The following APLF variants were observed in gnomAD, a reference collection of about 807,000 sequenced individuals.
APLF encodes aprataxin and PNK-like factor.
A neutral mutation model predicts 55.6 loss-of-function variants in APLF; 61 were observed. The observed-to-expected ratio is 1.10, with a 90% CI of 0.89 to 1.36. The LOEUF is 1.36. Among genes scored for constraint, APLF ranks in the 40% most tolerant of loss-of-function variants. The pLI is 0.00. For missense variants in APLF, 611 were observed against 602.5 expected, an observed-to-expected ratio of 1.01 and a Z score of -0.15; for synonymous variants, 207 against 214.8, an observed-to-expected ratio of 0.96 and a Z score of 0.32.
intron 6 of APLF, 85 bp downstream of exon 6, chr2:68,526,327 C>A (rs1573221001): frequency 2.0e-6 from 3 of 1,472,180 alleles, no homozygotes; most frequent in South Asian, 2.4e-5. Context: ...AAAGAGAAAT[C>A]AAAACTGCCT....
rs1039371183 is a variant in APLF at position 68,467,587 on chromosome 2, G to T, written c.-145G>T. 9.8e-5 allele frequency: 55 copies of T among 562,514 alleles called. No individual in the cohort carries two copies. Among genetic ancestry groups the T allele is most frequent in the Non-Finnish European group, 1.3e-4 (47 of 375,738 alleles). 34.8% of individuals were successfully genotyped at this position (562,514 alleles called of 1,614,324 possible). ...AAGCTGCGCTGGGGCCGGGCTCTGA[G>T]AGGACCGGCGCAGCCGCGGGGAGCC... is the stretch of plus-strand genomic sequence containing the variant. On this transcript the variant is annotated 5_prime_UTR_variant, in exon 1 of 10. Transcript: ENST00000303795.
intron 8 of APLF, among the ~76,000 whole-genome samples, chr2:68,560,536 C>T (rs1367284548): frequency 6.6e-6 from 1 of 151,798 alleles, no homozygotes; most frequent in African/African-American, 2.4e-5. Context: ...TAAGCTATTA[C>T]CTAAACTTTT....
intron 3 of APLF, among the ~76,000 whole-genome samples, chr2:68,510,853 G>T (rs879875544): frequency 4.0e-5 from 6 of 151,784 alleles, no homozygotes; most frequent in Admixed American, 1.3e-4. Context: ...AAAGAGGAAT[G>T]AAATATTTAC....
chr2:68,553,307 CTG>C (rs1190756566), intron 8 of APLF, among the ~76,000 whole-genome samples: 9 of 152,188 alleles, frequency 5.9e-5, no homozygotes, highest in African/African-American at 1.2e-4. Flanking sequence ...TCCTTACAAA[CTG>C]TCTGTTGTCA....
intron 2 of APLF, among the ~76,000 whole-genome samples, chr2:68,497,415 T>G (rs1333161923): frequency 6.6e-6 from 1 of 151,986 alleles, no homozygotes; most frequent in South Asian, 2.1e-4. Flanking sequence ...TCACGACATC[T>G]GGTTGTTTAA....
chr2:68,553,998 G>A (rs1219561891), intron 8 of APLF, among the ~76,000 whole-genome samples: 1 of 151,942 alleles, frequency 6.6e-6, no homozygotes, highest in Non-Finnish European at 1.5e-5. Flanking sequence ...CTCAGATGTT[G>A]TATGCCATGT....
intron 6 of APLF, among the ~76,000 whole-genome samples, chr2:68,532,533 T>G (rs1010765468): frequency 1.3e-5 from 2 of 152,210 alleles, no homozygotes; most frequent in Non-Finnish European, 2.9e-5. Flanking sequence ...AAGGTCACAT[T>G]GTTAGGAAAC....
intron 5 of APLF, among the ~76,000 whole-genome samples, chr2:68,517,660 GTAACAATAATATATCAC>G (rs1558538817): frequency 7.0e-6 from 1 of 143,482 alleles, no homozygotes; most frequent in Non-Finnish European, 1.5e-5. Flanking sequence ...TGTTATTAAC[GTAACAATAATATATCAC>G]TAATATGTTA....
At chr2:68,493,988 G>A (rs1240396610) in intron 2 of APLF, among the ~76,000 whole-genome samples, 10 of 151,348 alleles carry the variant, frequency 6.6e-5, no homozygotes, top group Admixed American at 5.3e-4. Flanking sequence ...GGTGCCTGTA[G>A]TCCCAGCTAC....
Position 68,580,008 on chromosome 2 carries a change from GA to G in APLF, c.*1993del, listed in dbSNP as rs1288302234. The G allele has an allele frequency of 2.2e-5, 20 of 901,116 alleles. No individual in the cohort carries two copies. The highest frequency in any genetic ancestry group is 5.7e-4 in the Middle Eastern group (1 of 1,752). 55.8% of individuals were successfully genotyped at this position (901,116 alleles called of 1,614,324 possible). On this transcript the variant is annotated 3_prime_UTR_variant, in exon 10 of 10. Transcript: ENST00000303795. ...AAGGGTAATACCAGTCTTTTAGAAG[GA>G]AAAAAATATTTAATATCAAAGGATA... is the stretch of plus-strand genomic sequence containing the variant.
At chr2:68,525,342 T>C (rs982488966) in intron 5 of APLF, among the ~76,000 whole-genome samples, 3 of 152,016 alleles carry the variant, frequency 2.0e-5, no homozygotes, top group African/African-American at 7.2e-5. Flanking sequence ...TCACTGTGGA[T>C]GTTAGGGTTT....
chr2:68,516,999 T>C (rs1247218403), intron 5 of APLF, among the ~76,000 whole-genome samples: 1 of 124,792 alleles, frequency 8.0e-6, no homozygotes, highest in Non-Finnish European at 1.6e-5. Context: ...TAATAATATA[T>C]GTTAATATAT....
intron 1 of APLF, among the ~76,000 whole-genome samples, chr2:68,473,171 A>G (rs1675672712): frequency 6.6e-6 from 1 of 152,144 alleles, no homozygotes. Flanking sequence ...TGCTCTGCCT[A>G]TTCATCCCCC....
intron 5 of APLF, among the ~76,000 whole-genome samples, chr2:68,519,507 T>A (rs1669828292): frequency 2.0e-5 from 3 of 149,804 alleles, no homozygotes. Context: ...TTGGTTCAAT[T>A]TTTGGTCAAG....
intron 2 of APLF, among the ~76,000 whole-genome samples, chr2:68,495,821 C>T (rs1417997858): frequency 6.6e-6 from 1 of 152,208 alleles, no homozygotes; most frequent in Non-Finnish European, 1.5e-5. Flanking sequence ...GGCTTAACAC[C>T]GTGTGAGAGC....
chr2:68,501,220 T>A (rs954696706), intron 2 of APLF, among the ~76,000 whole-genome samples: 1 of 152,216 alleles, frequency 6.6e-6, no homozygotes, highest in African/African-American at 2.4e-5. Context: ...CAGATTCTTA[T>A]GAAATTGAAT....
At chr2:68,555,295 CA>C (rs1670974573) in intron 8 of APLF, among the ~76,000 whole-genome samples, 1 of 152,024 alleles carries the variant, frequency 6.6e-6, no homozygotes, top group African/African-American at 2.4e-5. Flanking sequence ...GCAATAATAA[CA>C]AAGATAAATA....
chr2:68,478,877 G>T (rs1034705627), intron 1 of APLF, among the ~76,000 whole-genome samples: 3 of 152,216 alleles, frequency 2.0e-5, no homozygotes, highest in African/African-American at 4.8e-5. Context: ...TAACCCCTGA[G>T]ACTTGGAGGG....
chr2:68,513,140 T>A lies in APLF; in HGVS notation c.402T>A (p.Ile134=). 6.2e-7 allele frequency: 1 copy of A among 1,611,454 alleles called. No individual in the cohort carries two copies. The highest frequency in any genetic ancestry group is 8.5e-7 in the Non-Finnish European group (1 of 1,178,354). The change falls in exon 4 of 10, where the codon ATT becomes ATA. Residue 134 remains isoleucine, a synonymous_variant. Coordinates refer to ENST00000303795, the MANE Select transcript of APLF (RefSeq NM_173545.3). The part of the protein sequence containing the change: ...ILNETPKSPV[I]NLPHETTGAS... ...ATGAAACACCAAAATCCCCCGTGAT[T>A]AATTTACCTCATGAGACTACTGGTG... is the stretch of plus-strand genomic sequence containing the variant.
Sources: gnomAD v4.1 joint callset for allele counts (sites outside exome capture counted in the v4.1 genomes callset) on GRCh38, gnomAD v4.1.1 for gene constraint, MANE v1.5 for transcripts, NCBI Gene and HGNC (gene_info 2026-07-23, HGNC 2026-07-21) for gene names.